The following ABCB5 variants were observed in gnomAD, a reference collection of about 807,000 sequenced individuals.
ABCB5 encodes ATP binding cassette subfamily B member 5.
A neutral mutation model predicts 144.2 loss-of-function variants in ABCB5; 155 were observed. That is an observed-to-expected ratio of 1.08 (90% CI 0.94 to 1.23). The LOEUF (loss-of-function observed/expected upper bound fraction) is 1.23. Among genes scored for constraint, ABCB5 ranks in the 50% most tolerant of loss-of-function variants. The probability of loss-of-function intolerance (pLI) is 0.00; values close to 1 mark genes in which losing one functional copy is unlikely to be tolerated. For synonymous variants in ABCB5, 610 were observed against 528.6 expected (o/e 1.15, Z -2.11); for missense variants, 1,830 against 1,520.8 (o/e 1.20, Z -3.38).
rs1783068194 is a variant in ABCB5, at chr7:20,755,648, T to C, written c.*24T>C. ...GATGCTGTTGAGGTAGCACATATTT[T>C]GATGTTCGTGTAATGCAAAGAAGGA... is the stretch of plus-strand genomic sequence containing the variant. On this transcript the variant is annotated 3_prime_UTR_variant, in exon 28 of 28. Transcript: ENST00000404938. 6.2e-7 allele frequency: 1 copy of C among 1,608,226 alleles called. No individual in the cohort carries two copies. Among genetic ancestry groups the C allele is most frequent in the African/African-American group, 1.3e-5 (1 of 74,936 alleles).
At chr7:20,698,597 A>G (rs1786504490) in intron 17 of ABCB5, 47 bp downstream of exon 17, 1 of 1,525,620 alleles carries the variant, frequency 6.6e-7, no homozygotes, top group Non-Finnish European at 8.8e-7. Context: ...TAAAGAAAGT[A>G]TGACCTGAGA....
chr7:20,665,768 G>GATAGAT (rs1562549609), intron 14 of ABCB5, among the ~76,000 whole-genome samples: 1 of 125,432 alleles, frequency 8.0e-6, no homozygotes, highest in African/African-American at 3.2e-5. Context: ...GATAGATAGA[G>GATAGAT]ATACATACAT....
intron 26 of ABCB5, among the ~76,000 whole-genome samples, chr7:20,747,039 A>C (rs986620991): frequency 6.6e-6 from 1 of 152,186 alleles, no homozygotes; most frequent in African/African-American, 2.4e-5. Flanking sequence ...CTACATGTAC[A>C]AACAGGATTT....
Position 20,628,811 on chromosome 7 carries a change from A to G in ABCB5, c.232A>G (p.Ser78Gly), listed in dbSNP as rs1474008121. 6.2e-7 allele frequency: 1 copy of G among 1,613,682 alleles called. No individual in the cohort carries two copies. The highest frequency in any genetic ancestry group is 1.3e-5 in the African/African-American group (1 of 74,926). ...VLGEMSDNLI[S>G]GCLVQTNTTN... ...AGGAGAAATGAGTGATAACCTTATT[A>G]GTGGATGTCTAGTCCAAACTAACAC... Residue 78 changes from serine to glycine, a missense_variant, in exon 4 of 28, where the codon AGT becomes GGT. Physicochemically the swap from Ser to Gly is moderately conservative, Grantham distance 56. Transcript: ENST00000404938.
chr7:20,687,013 T>C (rs1786024861), intron 16 of ABCB5, among the ~76,000 whole-genome samples: 1 of 152,220 alleles, frequency 6.6e-6, no homozygotes, highest in Non-Finnish European at 1.5e-5. Flanking sequence ...ATTTTTCCTT[T>C]TCTGCTAATT....
At chr7:20,701,823 A>G (rs1165734457) in intron 19 of ABCB5, among the ~76,000 whole-genome samples, 1 of 152,234 alleles carries the variant, frequency 6.6e-6, no homozygotes, top group Non-Finnish European at 1.5e-5. Flanking sequence ...TTCATCCTTC[A>G]GCACTCTTTT....
At chr7:20,713,733 C>G (rs936802187) in intron 20 of ABCB5, among the ~76,000 whole-genome samples, 1 of 149,616 alleles carries the variant, frequency 6.7e-6, no homozygotes, top group African/African-American at 2.5e-5. Flanking sequence ...AAAACCCTTC[C>G]ACATACTCTA....
chr7:20,688,522 G>C (rs1786083065), intron 16 of ABCB5, among the ~76,000 whole-genome samples: 1 of 152,180 alleles, frequency 6.6e-6, no homozygotes, highest in South Asian at 2.1e-4. Context: ...CTGCTGGTGG[G>C]ACTGTAAACT....
chr7:20,728,181 C>A (rs926358967), intron 22 of ABCB5, 134 bp from the exon 23 acceptor site: 2 of 1,052,976 alleles, frequency 1.9e-6, no homozygotes, highest in Non-Finnish European at 2.7e-6. Flanking sequence ...ATCACTTTCT[C>A]TTTCATCATT....
intron 25 of ABCB5, among the ~76,000 whole-genome samples, chr7:20,744,584 C>T (rs1423744393): frequency 6.6e-6 from 1 of 150,544 alleles, no homozygotes; most frequent in Non-Finnish European, 1.5e-5. Context: ...GTGTTTATTG[C>T]ATGCCTCTCT....
At position 20,661,622 on chromosome 7, in the gene ABCB5, G is replaced by A. The variant is rs565616214; in HGVS notation, c.1707+2946G>A. Among the ~76,000 whole-genome samples the A allele has an allele frequency of 4.1e-5, 6 of 147,024 alleles. No individual in the cohort carries two copies. In the East Asian group the frequency reaches 8.1e-4, roughly 20 times the overall value. ...ATGATCTTCACTCACTGCAACCTCCGCCTCCTGGGATAAGCAGTTATCCTG... is the reference window on the plus strand; with the variant it reads ...ATGATCTTCACTCACTGCAACCTCCACCTCCTGGGATAAGCAGTTATCCTG... On this transcript the variant is annotated intron_variant, in intron 14 of 27. Coordinates refer to ENST00000404938, the MANE Select transcript of ABCB5 (RefSeq NM_001163941.2).
intron 20 of ABCB5, among the ~76,000 whole-genome samples, chr7:20,712,822 T>G (rs1218763299): frequency 6.7e-6 from 1 of 149,736 alleles, no homozygotes; most frequent in Non-Finnish European, 1.5e-5. Context: ...AAAAATGATG[T>G]TTTATATATG....
chr7:20,725,723 CTT>C (rs1168271530), intron 21 of ABCB5, among the ~76,000 whole-genome samples: 1 of 151,848 alleles, frequency 6.6e-6, no homozygotes, highest in Non-Finnish European at 1.5e-5. Context: ...ATCTTCATTC[CTT>C]TTGTTTTTCC....
intron 5 of ABCB5, among the ~76,000 whole-genome samples, chr7:20,640,017 T>G (rs1784259347): frequency 6.6e-6 from 1 of 152,164 alleles, no homozygotes; most frequent in South Asian, 2.1e-4. Context: ...TAGATCTTCT[T>G]TAACTTCTCC....
intron 1 of ABCB5, among the ~76,000 whole-genome samples, chr7:20,616,101 T>C (rs1783677986): frequency 6.6e-6 from 1 of 152,228 alleles, no homozygotes; most frequent in South Asian, 2.1e-4. Flanking sequence ...AGTGGCACGA[T>C]GTTGGCTCAC....
chr7:20,731,369 A>AAAAT (rs57305244), intron 23 of ABCB5, among the ~76,000 whole-genome samples: 4,742 of 122,930 alleles, frequency 0.039, 108 homozygotes, highest in East Asian at 0.056. Context: ...AAAAAAAAAA[A>AAAAT]ATATATATAT....
chr7:20,740,082 T>TA (rs1782514145), intron 24 of ABCB5, among the ~76,000 whole-genome samples: 1 of 151,620 alleles, frequency 6.6e-6, no homozygotes, highest in Non-Finnish European at 1.5e-5. Context: ...ATAAAAAAAT[T>TA]AAAAAAATTC....
At chr7:20,618,738 T>A (rs1044895055) in intron 1 of ABCB5, among the ~76,000 whole-genome samples, 1 of 151,554 alleles carries the variant, frequency 6.6e-6, no homozygotes, top group Non-Finnish European at 1.5e-5. Flanking sequence ...TACAAAAGAT[T>A]TCATGGCATA....
intron 14 of ABCB5, among the ~76,000 whole-genome samples, chr7:20,665,384 A>T (rs1785142480): frequency 6.6e-6 from 1 of 152,194 alleles, no homozygotes; most frequent in African/African-American, 2.4e-5. Context: ...CCTGGAACCC[A>T]TGTCGACCCA....
Sources: gnomAD v4.1 joint callset for allele counts (sites outside exome capture counted in the v4.1 genomes callset) on GRCh38, gnomAD v4.1.1 for gene constraint, MANE v1.5 for transcripts, NCBI Gene and HGNC (gene_info 2026-07-23, HGNC 2026-07-21) for gene names.